ZNF572: variants seen among roughly 807,000 people sequenced by gnomAD.
ZNF572 encodes the protein zinc finger protein 572.
A neutral mutation model predicts 3.8 loss-of-function variants in ZNF572; 2 were observed. The observed-to-expected ratio is 0.52, with a 90% confidence interval of 0.21 to 1.65. The LOEUF is 1.65. Among genes scored for constraint, ZNF572 ranks in the 40% most tolerant of loss-of-function variants. The pLI, the probability that ZNF572 is intolerant of heterozygous loss-of-function variation, is 0.20. For synonymous variants in ZNF572, 187 were observed against 204.5 expected, an observed-to-expected ratio of 0.91 and a Z score of 0.73; for missense variants, 581 against 633.4, an observed-to-expected ratio of 0.92 and a Z score of 0.89.
rs1564126909 is a variant in ZNF572 at position 124,977,115 on chromosome 8, C to G, written c.847C>G (p.Gln283Glu). Residue 283 changes from glutamine to glutamate, a missense_variant, in exon 3 of 3, where the codon CAG (glutamine) becomes GAG (glutamate). Physicochemically the swap from Gln to Glu is conservative, Grantham distance 29 (BLOSUM62 2). Coordinates refer to ENST00000319286, the MANE Select transcript of ZNF572 (RefSeq NM_152412.3). ...KCPDCGKSFSQSSSLIRHQRT... is the reference protein window; with the variant it reads ...KCPDCGKSFSESSSLIRHQRT... ...CCCTGATTGTGGGAAGAGTTTTAGT[C>G]AGAGTTCCAGCCTCATTCGCCACCA... The G allele has an allele frequency of 6.2e-7, 1 of 1,608,732 alleles. No homozygotes were observed. Among genetic ancestry groups the G allele is most frequent in the South Asian group, 1.1e-5 (1 of 91,058 alleles).
Position 124,977,769 on chromosome 8 carries a change from G to A in ZNF572, c.1501G>A (p.Gly501Arg), listed in dbSNP as rs200428112. Residue 501 changes from glycine (G) to arginine (R), a missense_variant, in exon 3 of 3, where the codon GGG becomes AGG. Coordinates refer to ENST00000319286, the MANE Select transcript of ZNF572 (RefSeq NM_152412.3). ...AAAGCCTTTTGAGTCTCCCGACGTTGGGGATTTTCCTCATGAATGGACTTG... is the reference window on the plus strand; with the variant it reads ...AAAGCCTTTTGAGTCTCCCGACGTTAGGGATTTTCCTCATGAATGGACTTG... ...VEKPFESPDVGDFPHEWTWKN... is the reference protein window; with the variant it reads ...VEKPFESPDVRDFPHEWTWKN... 25 of 1,614,132 alleles carry A rather than the reference G, an allele frequency of 1.5e-5. No individual in the cohort carries two copies. In the African/African-American group the frequency reaches 2.9e-4, roughly 19 times the overall value.
At chr8:124,974,574 A>G (rs1206009099) in intron 1 of ZNF572, among the ~76,000 whole-genome samples, 3 of 152,182 alleles carry the variant, frequency 2.0e-5, no homozygotes, top group African/African-American at 7.2e-5. Flanking sequence ...ATATCCTTTT[A>G]CGTCCTTATT....
At chr8:124,974,392 A>G (rs1183190874) in intron 1 of ZNF572, among the ~76,000 whole-genome samples, 1 of 152,154 alleles carries the variant, frequency 6.6e-6, no homozygotes, top group Non-Finnish European at 1.5e-5. Flanking sequence ...TTTCAAACTC[A>G]TCCTATAAAA....
Position 124,976,345 on chromosome 8 carries a change from C to G in ZNF572, c.80-3C>G. 1 of 1,563,504 alleles carries G rather than the reference C, an allele frequency of 6.4e-7. No homozygotes were observed. Among genetic ancestry groups the G allele is most frequent in the Non-Finnish European group, 8.6e-7 (1 of 1,156,928 alleles). On this transcript the variant is annotated splice_region_variant and splice_polypyrimidine_tract_variant and intron_variant, in intron 2 of 2. Transcript: ENST00000319286. The stretch of plus-strand genomic sequence containing the variant: ...TGGTTAGAATATTTGTTTATTCTTG[C>G]AGGAGATACAAGTATGAATAATTTG...
In ZNF572 at chr8:124,977,306, C is replaced by G. The variant is rs530320212; in HGVS notation, c.1038C>G (p.His346Gln). Residue 346 changes from histidine (H) to glutamine (Q), a missense_variant, in exon 3 of 3, where the codon CAC (histidine) becomes CAG (glutamine). Transcript: ENST00000319286. Reference sequence around the variant, plus strand: ...GTCGTAGTTCAAACCTTATTACACACCAGAAAATGCACACAGGAGAGAAAT... The same window carrying G: ...GTCGTAGTTCAAACCTTATTACACAGCAGAAAATGCACACAGGAGAGAAAT... ...NFSRSSNLIT[H>Q]QKMHTGEKSY... The G allele has an allele frequency of 6.2e-7, 1 of 1,612,388 alleles. No homozygotes were observed. Among genetic ancestry groups the G allele is most frequent in the South Asian group, 1.1e-5 (1 of 90,720 alleles).
At position 124,977,002 on chromosome 8, in the gene ZNF572, A is replaced by G; in HGVS notation, c.734A>G (p.Glu245Gly). ...HRSHTGEKPY[E>G]CSVCGKGFSH... Reference sequence around the variant, plus strand: ...TCACATACAGGTGAAAAACCATATGAATGTTCTGTCTGCGGAAAAGGCTTC... The same window carrying G: ...TCACATACAGGTGAAAAACCATATGGATGTTCTGTCTGCGGAAAAGGCTTC... Residue 245 changes from glutamate (E) to glycine (G), a missense_variant, in exon 3 of 3, where the codon GAA (glutamate) becomes GGA (glycine). Transcript: ENST00000319286. The G allele has an allele frequency of 6.2e-7, 1 of 1,614,116 alleles. No individual in the cohort carries two copies. Among genetic ancestry groups the G allele is most frequent in the South Asian group, 1.1e-5 (1 of 91,078 alleles).
intron 1 of ZNF572, among the ~76,000 whole-genome samples, chr8:124,974,774 C>T (rs1451995582): frequency 5.3e-5 from 8 of 152,174 alleles, no homozygotes; most frequent in Non-Finnish European, 1.2e-4. Context: ...TCACTGCAAC[C>T]TCTGCCTCCT....
chr8:124,976,593 CA>C lies in ZNF572; in HGVS notation c.326del (p.Gln109ArgfsTer20). 1 of 1,614,106 alleles carries C rather than the reference CA, an allele frequency of 6.2e-7. No homozygotes were observed. The highest frequency in any genetic ancestry group is 8.5e-7 in the Non-Finnish European group (1 of 1,180,010). The part of the protein sequence containing the change: ...IAKEEEKPNH[Q>X]EWDSGEHTNA... ...TAAAGAGGAGGAAAAACCCAATCAC[CA>C]GGAATGGGACTCAGGAGAACATACC... On this transcript the variant is annotated frameshift_variant, in exon 3 of 3. Transcript: ENST00000319286. LOFTEE classifies it low-confidence loss of function (END_TRUNC).
Position 124,978,309 on chromosome 8 carries a change from AT to A in ZNF572, c.*462del, listed in dbSNP as rs926708857. ...CTGGCTATTTTGTTGGGGGCTTAAG[AT>A]TTTTTTTTTTCAAATGCATTTTTAG... On this transcript the variant is annotated 3_prime_UTR_variant, in exon 3 of 3. Transcript: ENST00000319286. 95 of 153,106 alleles carry A rather than the reference AT, an allele frequency of 6.2e-4. No homozygotes were observed. Among genetic ancestry groups the A allele is most frequent in the South Asian group, 1.2e-3 (6 of 4,900 alleles). 9.5% of individuals were successfully genotyped at this position (153,106 alleles called of 1,614,324 possible).
Position 124,977,116 on chromosome 8 carries a change from A to C in ZNF572, c.848A>C (p.Gln283Pro). Residue 283 changes from glutamine to proline, a missense_variant, in exon 3 of 3, where the codon CAG becomes CCG. By Grantham distance (76) the Gln-to-Pro change is moderately conservative. Coordinates refer to ENST00000319286, the MANE Select transcript of ZNF572 (RefSeq NM_152412.3). ...CCTGATTGTGGGAAGAGTTTTAGTCAGAGTTCCAGCCTCATTCGCCACCAG... is the reference window on the plus strand; with the variant it reads ...CCTGATTGTGGGAAGAGTTTTAGTCCGAGTTCCAGCCTCATTCGCCACCAG... ...KCPDCGKSFS[Q>P]SSSLIRHQRT... is the part of the protein sequence containing the mutation. 6.2e-7 allele frequency: 1 copy of C among 1,609,028 alleles called. No individual in the cohort carries two copies. Among genetic ancestry groups the C allele is most frequent in the Non-Finnish European group, 8.5e-7 (1 of 1,179,996 alleles).
At position 124,978,075 on chromosome 8, in the gene ZNF572, C is replaced by A; in HGVS notation, c.*217C>A. 2.0e-6 allele frequency: 1 copy of A among 506,086 alleles called. No individual in the cohort carries two copies. The highest frequency in any genetic ancestry group is 3.4e-6 in the Non-Finnish European group (1 of 297,668). 31.3% of individuals were successfully genotyped at this position (506,086 alleles called of 1,614,324 possible). A position where few individuals can be genotyped will look rare whatever the true frequency, so the allele number is the denominator to read the frequency against. On this transcript the variant is annotated 3_prime_UTR_variant, in exon 3 of 3. Transcript: ENST00000319286. ...TCCACCAAGGATGAAGAAAGGAGGACTTTTAAAAATTTAAGGTAAGATAGT... is the reference window on the plus strand; with the variant it reads ...TCCACCAAGGATGAAGAAAGGAGGAATTTTAAAAATTTAAGGTAAGATAGT...
intron 2 of ZNF572, 49 bp downstream of exon 2, chr8:124,975,768 A>G: frequency 7.0e-7 from 1 of 1,436,250 alleles, no homozygotes; most frequent in African/African-American, 1.4e-5. Flanking sequence ...TTGATGTAGA[A>G]AGAACAGGAC....
Position 124,977,661 on chromosome 8 carries a change from G to A in ZNF572, c.1393G>A (p.Glu465Lys), listed in dbSNP as rs866183414. Reference sequence around the variant, plus strand: ...CAGGCACCGGAGGACCCACATAGGGGAAAAACCTTACAAATGTACCAGCTG... The same window carrying A: ...CAGGCACCGGAGGACCCACATAGGGAAAAAACCTTACAAATGTACCAGCTG... ...LIRHRRTHIGEKPYKCTSCEK... is the reference protein window; with the variant it reads ...LIRHRRTHIGKKPYKCTSCEK... The change falls in exon 3 of 3, where the codon GAA becomes AAA. Residue 465 changes from glutamate to lysine, a missense_variant. Transcript: ENST00000319286. 2.5e-6 allele frequency: 4 copies of A among 1,614,200 alleles called. No individual in the cohort carries two copies. The South Asian group carries it at 4.4e-5, about 18-fold the overall frequency.
chr8:124,974,746 C>T (rs2129821533), intron 1 of ZNF572, among the ~76,000 whole-genome samples: 1 of 152,006 alleles, frequency 6.6e-6, no homozygotes, highest in East Asian at 1.9e-4. Context: ...TGGAGTGGTG[C>T]AATGGCACGA....
intron 1 of ZNF572, among the ~76,000 whole-genome samples, chr8:124,974,051 A>G (rs1814473012): frequency 1.3e-5 from 2 of 151,940 alleles, no homozygotes; most frequent in South Asian, 4.2e-4. Context: ...CTCCCCCCCA[A>G]CTCAAACACT....
intron 1 of ZNF572, 116 bp downstream of exon 1, chr8:124,973,532 A>G (rs555650143): frequency 6.6e-6 from 1 of 152,374 alleles, no homozygotes; most frequent in East Asian, 1.9e-4. Context: ...GCCAGGGGCG[A>G]AGGCCCAGCA....
intron 2 of ZNF572, 92 bp downstream of exon 2, chr8:124,975,811 T>G (rs1814499225): frequency 2.0e-6 from 2 of 980,242 alleles, no homozygotes; most frequent in African/African-American, 3.3e-5. Flanking sequence ...TTTAATTCCT[T>G]GTTCTGTCAC....
rs1356156319 is a variant in ZNF572 at position 124,976,440 on chromosome 8, CAT to C, written c.174_175del (p.His58GlnfsTer6). 2 of 1,613,886 alleles carry C rather than the reference CAT, an allele frequency of 1.2e-6. No individual in the cohort carries two copies. The highest frequency in any genetic ancestry group is 3.3e-5 in the Admixed American group (2 of 60,018). ...KEKPSEWSKR[H>X]RPQHYKHEDA... The stretch of plus-strand genomic sequence containing the variant: ...GAAACCTTCAGAATGGTCTAAAAGA[CAT>C]AGACCACAACATTATAAGCATGAGG... On this transcript the variant is annotated frameshift_variant, in exon 3 of 3. Coordinates refer to ENST00000319286, the MANE Select transcript of ZNF572 (RefSeq NM_152412.3). LOFTEE classifies it low-confidence loss of function (END_TRUNC).
chr8:124,974,287 G>A (rs1814476134), intron 1 of ZNF572, among the ~76,000 whole-genome samples: 1 of 152,192 alleles, frequency 6.6e-6, no homozygotes, highest in Non-Finnish European at 1.5e-5. Context: ...TACGATAATA[G>A]ATCAGAGGGT....
Sources: gnomAD v4.1 joint callset for allele counts (sites outside exome capture counted in the v4.1 genomes callset) on GRCh38, gnomAD v4.1.1 for gene constraint, MANE v1.5 for transcripts, NCBI Gene and HGNC (gene_info 2026-07-23, HGNC 2026-07-21) for gene names.